ANKS1B: variants seen among roughly 807,000 people sequenced by gnomAD.
ANKS1B encodes ankyrin repeat and sterile alpha motif domain containing 1B, also known as ankyrin repeat and sterile alpha motif domain-containing protein 1B.
ANKS1B carries 36 observed loss-of-function variants against 148.3 expected under a neutral mutation model. That is an observed-to-expected ratio of 0.24 (90% CI 0.19 to 0.32). ANKS1B has a LOEUF of 0.32. Ranked by LOEUF, ANKS1B falls within the 10% of genes least tolerant of loss-of-function variation. The pLI is 1.00. For synonymous variants in ANKS1B, 542 were observed against 560.8 expected (o/e 0.97, Z 0.47); for missense variants, 1,157 against 1,542.6 (o/e 0.75, Z 4.19).
chr12:99,344,983 C>G (rs1286983479), intron 12 of ANKS1B: 1 of 152,034 alleles, frequency 6.6e-6, no homozygotes, highest in Non-Finnish European at 1.5e-5. Flanking sequence ...ACTCCTAGAA[C>G]AGATGAAACT....
intron 1 of ANKS1B, among the ~76,000 whole-genome samples, chr12:99,894,293 G>GAGGA (rs1565944873): frequency 2.9e-5 from 1 of 34,576 alleles, no homozygotes; most frequent in Non-Finnish European, 7.4e-5. Context: ...GGAAGGAAGG[G>GAGGA]AGGGAGGGAG....
chr12:99,040,566 T>C (rs1252550343), intron 17 of ANKS1B, among the ~76,000 whole-genome samples: 1 of 152,142 alleles, frequency 6.6e-6, no homozygotes, highest in East Asian at 1.9e-4. Context: ...TCTGTGAATA[T>C]AAAATAACAG....
intron 9 of ANKS1B, among the ~76,000 whole-genome samples, chr12:99,585,652 C>G (rs1328455650): frequency 6.6e-6 from 1 of 152,182 alleles, no homozygotes; most frequent in Admixed American, 6.5e-5. Flanking sequence ...GCCTGGACAT[C>G]CAGAAGTTTC....
chr12:99,646,409 A>C (rs1598751753), intron 9 of ANKS1B, among the ~76,000 whole-genome samples: 3 of 152,296 alleles, frequency 2.0e-5, no homozygotes, highest in Admixed American at 2.0e-4. Flanking sequence ...CTGTAATCCC[A>C]GCACTTGGGG....
At chr12:99,948,546 G>A (rs1242922138) in intron 1 of ANKS1B, among the ~76,000 whole-genome samples, 1 of 152,160 alleles carries the variant, frequency 6.6e-6, no homozygotes, top group African/African-American at 2.4e-5. Context: ...AGCACCTAGC[G>A]TAGCCTTGCA....
intron 8 of ANKS1B, among the ~76,000 whole-genome samples, chr12:99,718,640 G>T (rs544349252): frequency 6.6e-6 from 1 of 152,100 alleles, no homozygotes; most frequent in Non-Finnish European, 1.5e-5. Flanking sequence ...CAGGATCTGC[G>T]CCTTATCAAC....
intron 17 of ANKS1B, among the ~76,000 whole-genome samples, chr12:99,003,708 G>C (rs1050284762): frequency 6.6e-6 from 1 of 152,164 alleles, no homozygotes; most frequent in South Asian, 2.1e-4. Flanking sequence ...TAGCACCACT[G>C]TTGTGCAGTA....
At chr12:99,850,391 G>A (rs192456818) in intron 1 of ANKS1B, among the ~76,000 whole-genome samples, 4 of 145,682 alleles carry the variant, frequency 2.7e-5, no homozygotes, top group Non-Finnish European at 6.0e-5. Context: ...TTAGTTATTA[G>A]TTATTTATTT....
intron 15 of ANKS1B, among the ~76,000 whole-genome samples, chr12:99,152,994 T>C (rs973309041): frequency 6.6e-6 from 1 of 152,052 alleles, no homozygotes; most frequent in Admixed American, 6.6e-5. Flanking sequence ...CAGTACTTGA[T>C]AAACACAAGA....
At chr12:99,447,653 A>G (rs566981816) in intron 10 of ANKS1B, among the ~76,000 whole-genome samples, 22 of 152,132 alleles carry the variant, frequency 1.4e-4, no homozygotes, top group Non-Finnish European at 2.6e-4. Flanking sequence ...ACCAATGAAG[A>G]GAGTGAAGAA....
At chr12:98,981,421 C>T (rs139493751) in intron 17 of ANKS1B, among the ~76,000 whole-genome samples, 5,278 of 152,166 alleles carry the variant, frequency 0.035, 262 homozygotes, top group African/African-American at 0.11. Flanking sequence ...CTGCAACATC[C>T]GCCTCCTGGG....
intron 8 of ANKS1B, among the ~76,000 whole-genome samples, chr12:99,681,233 C>G (rs189943951): frequency 3.3e-5 from 5 of 152,290 alleles, no homozygotes; most frequent in Non-Finnish European, 5.9e-5. Context: ...GGCCAACCAA[C>G]TCAAGCCATT....
intron 16 of ANKS1B, among the ~76,000 whole-genome samples, chr12:99,078,677 G>A (rs2048632814): frequency 6.6e-6 from 1 of 152,062 alleles, no homozygotes; most frequent in Non-Finnish European, 1.5e-5. Context: ...TACAAATGTG[G>A]ACAATGGAAA....
chr12:99,154,498 T>C (rs778130915), intron 14 of ANKS1B, 103 bp from the exon 15 acceptor site: 6 of 1,608,278 alleles, frequency 3.7e-6, no homozygotes, highest in Non-Finnish European at 4.2e-6. Flanking sequence ...ATCATGCCCC[T>C]GGGAAAGTTG....
chr12:99,535,802 C>A (rs542635134), intron 9 of ANKS1B, among the ~76,000 whole-genome samples: 4 of 152,146 alleles, frequency 2.6e-5, no homozygotes, highest in Non-Finnish European at 5.9e-5. Context: ...CAGGAACACT[C>A]AAAAAGTTGT....
At chr12:98,917,112 C>A (rs539931550) in intron 17 of ANKS1B, among the ~76,000 whole-genome samples, 2 of 152,088 alleles carry the variant, frequency 1.3e-5, no homozygotes, top group African/African-American at 4.8e-5. Flanking sequence ...AGATGTATAC[C>A]ACCATGCCCA....
At chr12:98,868,498 T>A (rs1373417791) in intron 17 of ANKS1B, among the ~76,000 whole-genome samples, 1 of 152,252 alleles carries the variant, frequency 6.6e-6, no homozygotes, top group African/African-American at 2.4e-5. Flanking sequence ...AGCATTCAGA[T>A]GTTAATGTTT....
chr12:99,251,059 G>C (rs2074522558), intron 12 of ANKS1B, among the ~76,000 whole-genome samples: 1 of 152,106 alleles, frequency 6.6e-6, no homozygotes, highest in Non-Finnish European at 1.5e-5. Flanking sequence ...GAGCTCTCTG[G>C]AGTCTCTCTT....
At chr12:98,880,990 T>A (rs2099706347) in intron 17 of ANKS1B, among the ~76,000 whole-genome samples, 1 of 150,896 alleles carries the variant, frequency 6.6e-6, no homozygotes. Flanking sequence ...AATTCCCTGC[T>A]TGGAAAGTTT....
Sources: gnomAD v4.1 joint callset for allele counts (sites outside exome capture counted in the v4.1 genomes callset) on GRCh38, gnomAD v4.1.1 for gene constraint, MANE v1.5 for transcripts, NCBI Gene and HGNC (gene_info 2026-07-23, HGNC 2026-07-21) for gene names.